ZNF385D: variants seen among roughly 807,000 people sequenced by gnomAD.
ZNF385D encodes zinc finger protein 659.
Under a neutral mutation model 35.8 loss-of-function variants are expected in ZNF385D, and 15 were observed. The observed-to-expected ratio is 0.42, with a 90% CI of 0.28 to 0.64. The LOEUF is 0.64. ZNF385D is among the 30% of genes least tolerant of loss of function. The pLI is 0.23. For missense variants in ZNF385D, 474 were observed against 494.6 expected (o/e 0.96, Z 0.39); for synonymous variants, 212 against 186.8 (o/e 1.13, Z -1.10).
intron 3 of ZNF385D, among the ~76,000 whole-genome samples, chr3:22,021,662 A>T (rs992519046): frequency 1.3e-5 from 2 of 152,054 alleles, no homozygotes; most frequent in African/African-American, 2.4e-5. Flanking sequence ...AGCAGAAAAA[A>T]TTTTTTTGAG....
At chr3:21,810,180 GA>G (rs1322967830) in intron 3 of ZNF385D, among the ~76,000 whole-genome samples, 1 of 151,944 alleles carries the variant, frequency 6.6e-6, no homozygotes, top group Admixed American at 6.6e-5. Flanking sequence ...TGTATAAAAA[GA>G]AAAATACATC....
intron 2 of ZNF385D, among the ~76,000 whole-genome samples, chr3:22,190,212 G>A (rs1045157869): frequency 5.9e-5 from 9 of 152,100 alleles, no homozygotes; most frequent in Admixed American, 5.9e-4. Context: ...TACAGTCAAA[G>A]TTGAAAATCA....
At chr3:22,314,423 C>T (rs1156737676) in intron 2 of ZNF385D, among the ~76,000 whole-genome samples, 4 of 152,120 alleles carry the variant, frequency 2.6e-5, no homozygotes, top group Admixed American at 6.6e-5. Flanking sequence ...GTCTCCAATC[C>T]CATCCAGATT....
At chr3:22,354,835 A>G (rs1696076106) in intron 2 of ZNF385D, among the ~76,000 whole-genome samples, 1 of 152,034 alleles carries the variant, frequency 6.6e-6, no homozygotes, top group Admixed American at 6.6e-5. Flanking sequence ...TGTTGCGGTT[A>G]TTTAATTTAA....
intron 4 of ZNF385D, among the ~76,000 whole-genome samples, chr3:21,498,915 C>G (rs1446392464): frequency 2.7e-5 from 4 of 146,004 alleles, no homozygotes; most frequent in African/African-American, 5.1e-5. Context: ...CCACTGCACC[C>G]CAGCCTGATG....
intron 2 of ZNF385D, among the ~76,000 whole-genome samples, chr3:21,635,487 C>G (rs540691953): frequency 6.6e-6 from 1 of 152,108 alleles, no homozygotes; most frequent in East Asian, 1.9e-4. Flanking sequence ...TAATAAGGTG[C>G]CTGGGACAGG....
At chr3:21,916,295 C>T (rs1700190679) in intron 3 of ZNF385D, among the ~76,000 whole-genome samples, 1 of 151,988 alleles carries the variant, frequency 6.6e-6, no homozygotes. Context: ...ATCATGTATA[C>T]TTTTTTCTGG....
chr3:21,522,945 G>C lies in ZNF385D; in HGVS notation c.277-11922C>G, dbSNP rs1235532935. On this transcript the variant is annotated intron_variant, in intron 3 of 7. Coordinates refer to ENST00000281523, the MANE Select transcript of ZNF385D (RefSeq NM_024697.3). The stretch of plus-strand genomic sequence containing the variant: ...GCACACTATCCACCGGTAGTATTTA[G>C]TTGTCCTTGGTAGGATTTTGGCCAG... Among the ~76,000 whole-genome samples the C allele has an allele frequency of 1.2e-4, 19 of 152,186 alleles. 1 individual carries two copies.
chr3:22,123,922 A>ATCTCTCTCTCTC (rs34781505), intron 3 of ZNF385D, among the ~76,000 whole-genome samples: 67 of 80,270 alleles, frequency 8.3e-4, no homozygotes, highest in Non-Finnish European at 1.2e-3. Context: ...GCTAGACTCC[A>ATCTCTCTCTCTC]TCTCTCTCTC....
At chr3:21,889,689 G>A (rs369423820) in intron 3 of ZNF385D, among the ~76,000 whole-genome samples, 1 of 152,206 alleles carries the variant, frequency 6.6e-6, no homozygotes, top group Non-Finnish European at 1.5e-5. Flanking sequence ...GAAGGATGAA[G>A]TATGTTTCTC....
At chr3:21,611,538 G>A (rs529051803) in intron 2 of ZNF385D, among the ~76,000 whole-genome samples, 3 of 152,232 alleles carry the variant, frequency 2.0e-5, no homozygotes, top group Admixed American at 1.3e-4. Context: ...TCTCTATAAA[G>A]CAGACATGAC....
intron 3 of ZNF385D, among the ~76,000 whole-genome samples, chr3:21,915,083 T>G (rs989330629): frequency 6.7e-6 from 1 of 148,906 alleles, no homozygotes; most frequent in Non-Finnish European, 1.5e-5. Context: ...AAAAAAAGAG[T>G]TGGATTTTTT....
intron 3 of ZNF385D, among the ~76,000 whole-genome samples, chr3:21,519,573 G>A (rs1707785677): frequency 1.3e-5 from 2 of 152,158 alleles, no homozygotes; most frequent in African/African-American, 2.4e-5. Context: ...TCCTGATTGA[G>A]GAACAGAGGA....
chr3:22,107,409 T>C (rs1702282396), intron 3 of ZNF385D, among the ~76,000 whole-genome samples: 1 of 152,028 alleles, frequency 6.6e-6, no homozygotes, highest in Non-Finnish European at 1.5e-5. Context: ...GTCAGGACTG[T>C]AAAATCATTG....
chr3:21,952,280 T>G, intron 3 of ZNF385D, among the ~76,000 whole-genome samples: 1 of 152,000 alleles, frequency 6.6e-6, no homozygotes, highest in East Asian at 1.9e-4. Context: ...TTATTTCCAT[T>G]CCCAAGATCT....
chr3:21,846,294 A>C (rs1486369), intron 3 of ZNF385D, among the ~76,000 whole-genome samples: 127,267 of 151,548 alleles, frequency 0.84, 53,564 homozygotes, highest in South Asian at 0.89. Flanking sequence ...ACATTTTTAG[A>C]CTTGCACATC....
chr3:21,864,086 G>A (rs1390283412), intron 3 of ZNF385D, among the ~76,000 whole-genome samples: 5 of 151,812 alleles, frequency 3.3e-5, no homozygotes, highest in Non-Finnish European at 7.4e-5. Context: ...TGCCTCTACC[G>A]ATGAATATAG....
intron 4 of ZNF385D, among the ~76,000 whole-genome samples, chr3:21,471,319 A>T (rs1703886233): frequency 1.4e-5 from 2 of 142,806 alleles, no homozygotes; most frequent in African/African-American, 5.2e-5. Flanking sequence ...ACACACACAC[A>T]CACACACACA....
At chr3:21,723,837 A>G (rs761935978) in intron 1 of ZNF385D, among the ~76,000 whole-genome samples, 1 of 152,118 alleles carries the variant, frequency 6.6e-6, no homozygotes, top group Non-Finnish European at 1.5e-5. Flanking sequence ...CAACCCCAAG[A>G]CACATAATGG....
Sources: allele counts gnomAD v4.1 joint callset (sites outside exome capture counted in the v4.1 genomes callset), GRCh38; gene constraint gnomAD v4.1.1; transcripts MANE v1.5; gene names NCBI Gene and HGNC (gene_info 2026-07-23, HGNC 2026-07-21).